LAMA4: variants seen among roughly 807,000 people sequenced by gnomAD.
LAMA4 encodes laminin subunit alpha-4.
In LAMA4, 127 loss-of-function variants were observed where a neutral mutation model predicts 207.1. The observed-to-expected ratio is 0.61, with a 90% CI of 0.53 to 0.71. The LOEUF (loss-of-function observed/expected upper bound fraction) is 0.71. Ranked by LOEUF, LAMA4 falls within the 30% of genes least tolerant of loss-of-function variation. The pLI is 0.00. For synonymous variants in LAMA4, 761 were observed against 816.0 expected (o/e 0.93, Z 1.15); for missense variants, 2,093 against 2,246.5 (o/e 0.93, Z 1.38).
intron 13 of LAMA4, 126 bp from the exon 14 acceptor site, chr6:112,159,006 A>G (rs1011179636): frequency 2.9e-5 from 20 of 696,006 alleles, no homozygotes; most frequent in African/African-American, 2.1e-4. Context: ...GCAGGACCAC[A>G]TAAGTCTAAA....
At chr6:112,226,469 C>T (rs1423294306) in intron 2 of LAMA4, among the ~76,000 whole-genome samples, 1 of 152,194 alleles carries the variant, frequency 6.6e-6, no homozygotes, top group Non-Finnish European at 1.5e-5. Context: ...CTTCATCTCA[C>T]CTGGGAACTA....
chr6:112,238,636 G>A (rs1786119412), intron 2 of LAMA4, among the ~76,000 whole-genome samples: 1 of 151,364 alleles, frequency 6.6e-6, no homozygotes, highest in African/African-American at 2.4e-5. Flanking sequence ...GAACCCAGGA[G>A]GCAGAGATTG....
intron 6 of LAMA4, 79 bp downstream of exon 6, chr6:112,191,557 A>G (rs1281862300): frequency 5.6e-6 from 6 of 1,075,734 alleles, no homozygotes; most frequent in Non-Finnish European, 8.5e-6. Context: ...CTTCCCCAAG[A>G]GAAATTCTTC....
intron 25 of LAMA4, 21 bp downstream of exon 25, chr6:112,136,102 C>G (rs782715790): frequency 1.9e-5 from 31 of 1,608,464 alleles, no homozygotes; most frequent in Non-Finnish European, 2.5e-5. Flanking sequence ...ACAAAACCAA[C>G]CAAACTACAA....
chr6:112,133,662 G>A (rs1779174166), intron 26 of LAMA4, among the ~76,000 whole-genome samples, 175 bp from the exon 27 acceptor site: 2 of 152,162 alleles, frequency 1.3e-5, no homozygotes, highest in Non-Finnish European at 2.9e-5. Flanking sequence ...CTATAGAAGA[G>A]TTTTGTTCTA....
In LAMA4 at chr6:112,205,583, G is replaced by A. The variant is rs117158601; in HGVS notation, c.422+1438C>T. Among the ~76,000 whole-genome samples, 698 of 152,192 alleles carry A rather than the reference G, an allele frequency of 4.6e-3. 22 individuals are homozygous for A. The highest frequency in any genetic ancestry group is 0.037 in the Admixed American group (571 of 15,272). ...GGCATAATAAAAAAAACAGTATTTA[G>A]CCTTTGGTTCCTGGCACAGACTCCT... On this transcript the variant is annotated intron_variant, in intron 4 of 38. Transcript: ENST00000230538.
intron 6 of LAMA4, among the ~76,000 whole-genome samples, chr6:112,189,949 A>T (rs1160926110): frequency 6.6e-6 from 1 of 152,196 alleles, no homozygotes; most frequent in Non-Finnish European, 1.5e-5. Context: ...ATATTTAAAG[A>T]GGAATTCTCT....
chr6:112,135,112 T>A (rs1247064881), intron 25 of LAMA4, among the ~76,000 whole-genome samples: 1 of 151,976 alleles, frequency 6.6e-6, no homozygotes, highest in East Asian at 1.9e-4. Flanking sequence ...CTTTGTGGTG[T>A]GTGTGTGTGT....
chr6:112,235,430 G>A (rs532777757), intron 2 of LAMA4, among the ~76,000 whole-genome samples: 5 of 152,276 alleles, frequency 3.3e-5, no homozygotes, highest in Admixed American at 3.3e-4. Flanking sequence ...TTATAAATCA[G>A]GTTGACAAGG....
intron 2 of LAMA4, among the ~76,000 whole-genome samples, chr6:112,233,737 C>T (rs927775798): frequency 6.6e-6 from 1 of 152,156 alleles, no homozygotes; most frequent in Non-Finnish European, 1.5e-5. Context: ...GGTAGAGAGG[C>T]TAAACTTATA....
intron 9 of LAMA4, chr6:112,179,404 T>C (rs1554344714): frequency 6.6e-6 from 1 of 152,318 alleles, no homozygotes; most frequent in East Asian, 1.9e-4. Context: ...AGGACTGATC[T>C]ATGGGTTATA....
At position 112,141,345 on chromosome 6, in the gene LAMA4, G is replaced by A. The variant is rs782514628; in HGVS notation, c.2813+13C>T. ...TATGTGCATATATGCCCTGTGTCAT[G>A]GATTCACTGTACCTTTCAATCTTGA... On this transcript the variant is annotated intron_variant, in intron 21 of 38. Transcript: ENST00000230538. 3.1e-6 allele frequency: 5 copies of A among 1,613,580 alleles called. No individual in the cohort carries two copies. The highest frequency in any genetic ancestry group is 4.2e-6 in the Non-Finnish European group (5 of 1,179,628).
At position 112,119,191 on chromosome 6, in the gene LAMA4, C is replaced by A. The variant is rs373949918; in HGVS notation, c.4786G>T (p.Gly1596Cys). ...TTCACAGCCTTTCCAGGAGCCACAC[C>A]TCCCAAATAAATGGGACCCTTGATT... ...WKIKGPIYLG[G>C]VAPGKAVKNV... is the part of the protein sequence containing the mutation. Residue 1596 changes from glycine (G) to cysteine (C), a missense_variant, in exon 34 of 39, where the codon GGT becomes TGT. This residue lies in a region of LAMA4 where 383 missense variants were observed against 437.8 expected (regional missense o/e 0.87). Transcript: ENST00000230538. 6.2e-7 allele frequency: 1 copy of A among 1,613,930 alleles called. No homozygotes were observed. Among genetic ancestry groups the A allele is most frequent in the African/African-American group, 1.3e-5 (1 of 74,914 alleles).
intron 2 of LAMA4, among the ~76,000 whole-genome samples, chr6:112,232,179 C>G (rs1785607899): frequency 6.6e-6 from 1 of 152,130 alleles, no homozygotes; most frequent in African/African-American, 2.4e-5. Flanking sequence ...AACAAATACA[C>G]CAAGCACCAA....
chr6:112,162,300 A>G (rs1302354202), intron 13 of LAMA4: 1 of 152,086 alleles, frequency 6.6e-6, no homozygotes, highest in Non-Finnish European at 1.5e-5. Flanking sequence ...GTGAAAATCC[A>G]TCTCTACTAA....
chr6:112,190,947 C>CTTTCTTTCTTTCTTTCTTTTCTTT (rs1491586717), intron 6 of LAMA4, among the ~76,000 whole-genome samples: 1 of 40,472 alleles, frequency 2.5e-5, no homozygotes, highest in Non-Finnish European at 4.7e-5. Flanking sequence ...TTCTTTCTTT[C>CTTTCTTTCTTTCTTTCTTTTCTTT]CTTTCTTTCT....
intron 2 of LAMA4, among the ~76,000 whole-genome samples, chr6:112,233,412 T>C (rs570477027): frequency 6.6e-6 from 1 of 152,336 alleles, no homozygotes; most frequent in South Asian, 2.1e-4. Flanking sequence ...TAAAAGGAAC[T>C]TGCACAGGCA....
chr6:112,191,552 C>G (rs1464322055), intron 6 of LAMA4, 84 bp downstream of exon 6: 7 of 1,032,338 alleles, frequency 6.8e-6, no homozygotes, highest in South Asian at 4.0e-5. Flanking sequence ...CAATACTTCC[C>G]CAAGAGAAAT....
intron 16 of LAMA4, among the ~76,000 whole-genome samples, chr6:112,151,432 A>G (rs569139409): frequency 8.5e-5 from 13 of 152,248 alleles, no homozygotes; most frequent in African/African-American, 2.6e-4. Flanking sequence ...CAGGTACTTT[A>G]ATTAATACTG....
Sources: gnomAD v4.1 joint callset for allele counts (sites outside exome capture counted in the v4.1 genomes callset) on GRCh38, gnomAD v4.1.1 for gene constraint, gnomAD v4.1.1 regional missense constraint, MANE v1.5 for transcripts, NCBI Gene and HGNC (gene_info 2026-07-23, HGNC 2026-07-21) for gene names.